SCUBE1: variants seen among roughly 807,000 people sequenced by gnomAD.
SCUBE1 encodes signal peptide, CUB domain and EGF like domain containing 1.
Under a neutral mutation model 124.4 loss-of-function variants are expected in SCUBE1, and 59 were observed. That is an observed-to-expected ratio of 0.47 (90% CI 0.38 to 0.59). SCUBE1 has a LOEUF of 0.59. SCUBE1 is among the 20% of genes least tolerant of loss of function. SCUBE1 has a pLI of 0.00. For synonymous variants in SCUBE1, 545 were observed against 550.9 expected (o/e 0.99, Z 0.15); for missense variants, 1,150 against 1,371.2 (o/e 0.84, Z 2.55).
intron 4 of SCUBE1, among the ~76,000 whole-genome samples, chr22:43,284,339 T>C (rs1925045795): frequency 6.6e-6 from 1 of 152,242 alleles, no homozygotes; most frequent in Admixed American, 6.5e-5. Context: ...CGTGCCACAC[T>C]GCAGAAAATT....
At chr22:43,226,572 G>A (rs1922315088) in intron 10 of SCUBE1, among the ~76,000 whole-genome samples, 1 of 151,206 alleles carries the variant, frequency 6.6e-6, no homozygotes, top group South Asian at 2.1e-4. Context: ...GCCATTCCAA[G>A]CGCTGTGGCT....
rs991543824 is a variant in SCUBE1, at chr22:43,210,438, C to T, written c.2384-198G>A. ...GCCCCCAGAGCAGGAGGGCAGGTCC[C>T]CTGTTCAGGCCTGTGGTTCCCTGAG... On this transcript the variant is annotated intron_variant, in intron 18 of 21. Transcript: ENST00000360835. This position sits in a 1 kb window ranked among gnomAD's most constrained non-coding sequence, Gnocchi z 4.5. 4.6e-5 allele frequency among the ~76,000 whole-genome samples: 7 copies of T among 152,064 alleles called. No individual in the cohort carries two copies. The highest frequency in any genetic ancestry group is 7.4e-5 in the Non-Finnish European group (5 of 67,994).
At chr22:43,273,210 G>T (rs1924359371) in intron 4 of SCUBE1, among the ~76,000 whole-genome samples, 1 of 152,234 alleles carries the variant, frequency 6.6e-6, no homozygotes, top group Non-Finnish European at 1.5e-5. Context: ...TACACAGATG[G>T]AGACAGACAG....
chr22:43,272,563 G>A lies in SCUBE1; in HGVS notation c.485-9718C>T, dbSNP rs79825037. On this transcript the variant is annotated intron_variant, in intron 4 of 21. Transcript: ENST00000360835. ...AGTGCCTCCTTGGTTTCCAGCCCCA[G>A]GATTCCAGGCAGGCGCAGGCCTTTC... The A allele has an allele frequency of 0.026, 4,015 of 152,308 alleles. 302 individuals are homozygous for A. In the East Asian group the frequency reaches 0.31, roughly 12 times the overall value. 9.4% of individuals were successfully genotyped at this position (152,308 alleles called of 1,614,324 possible). A position where few individuals can be genotyped will look rare whatever the true frequency, so the allele number is the denominator to read the frequency against.
chr22:43,266,157 T>C (rs1315101409), intron 4 of SCUBE1, among the ~76,000 whole-genome samples: 1 of 152,078 alleles, frequency 6.6e-6, no homozygotes, highest in Admixed American at 6.5e-5. Context: ...TTAAAAGCTA[T>C]ATTTTCCAGA....
Position 43,207,270 on chromosome 22 carries a change from T to C in SCUBE1, c.2814+264A>G, listed in dbSNP as rs371531861. ...AGTGAGGCTGTGAGCTGGTGAGGAA[T>C]GTGCCTGAGGCCACATCACCAGGTC... On this transcript the variant is annotated intron_variant, in intron 21 of 21. Transcript: ENST00000360835. Among the ~76,000 whole-genome samples the C allele has an allele frequency of 1.5e-3, 231 of 152,240 alleles. 1 individual carries two copies. The highest frequency in any genetic ancestry group is 5.3e-3 in the African/African-American group (219 of 41,540).
intron 7 of SCUBE1, among the ~76,000 whole-genome samples, chr22:43,236,655 A>G (rs1601818644): frequency 6.6e-6 from 1 of 152,168 alleles, no homozygotes; most frequent in Non-Finnish European, 1.5e-5. Flanking sequence ...CAACAGTCAC[A>G]GTGCTGAAAA....
In SCUBE1 at chr22:43,211,095, C is replaced by T. The variant is rs1392701536; in HGVS notation, c.2222-12G>A. 1.2e-6 allele frequency: 2 copies of T among 1,602,882 alleles called. No individual in the cohort carries two copies. On this transcript the variant is annotated splice_polypyrimidine_tract_variant and intron_variant, in intron 17 of 21. Coordinates refer to ENST00000360835, the MANE Select transcript of SCUBE1 (RefSeq NM_173050.5). This position sits in a 1 kb window ranked among gnomAD's most constrained non-coding sequence, Gnocchi z 4.5. ...GGGGGAGCAGTGCACTGCCGGGGGA[C>T]ACAAGGCAGTGTGGTGGGTGTGGAG...
At chr22:43,241,364 C>T (rs1333440718) in intron 6 of SCUBE1, among the ~76,000 whole-genome samples, 2 of 152,274 alleles carry the variant, frequency 1.3e-5, no homozygotes, top group East Asian at 3.9e-4. Context: ...CTCGTGGCTC[C>T]TGTGCCCTCC....
In SCUBE1 at chr22:43,202,929, A is replaced by T. The variant is rs1601788090; in HGVS notation, c.*1068T>A. The T allele has an allele frequency of 1.3e-5, 2 of 152,330 alleles. 1 individual carries two copies. The highest frequency in any genetic ancestry group is 4.1e-4 in the South Asian group (2 of 4,836). 9.4% of individuals were successfully genotyped at this position (152,330 alleles called of 1,614,324 possible). On this transcript the variant is annotated 3_prime_UTR_variant, in exon 22 of 22. Coordinates refer to ENST00000360835, the MANE Select transcript of SCUBE1 (RefSeq NM_173050.5). ...CCTTGTTTCCTGCTGACACCTGGGC[A>T]TAGTACGGACCCCAAGGTCACTGCC...
chr22:43,260,309 C>A (rs373572274), intron 5 of SCUBE1, among the ~76,000 whole-genome samples: 10 of 152,352 alleles, frequency 6.6e-5, no homozygotes, highest in South Asian at 4.1e-4. Context: ...AAAGGTCGAG[C>A]CTTCGAATAC....
At chr22:43,278,696 A>G (rs1021844517) in intron 4 of SCUBE1, among the ~76,000 whole-genome samples, 1 of 152,184 alleles carries the variant, frequency 6.6e-6, no homozygotes, top group African/African-American at 2.4e-5. Context: ...GGCAAAAAGA[A>G]CTGACATTGG....
chr22:43,221,114 G>T, intron 13 of SCUBE1, 59 bp downstream of exon 13: 1 of 1,380,458 alleles, frequency 7.2e-7, no homozygotes, highest in Non-Finnish European at 1.0e-6. Flanking sequence ...CAGCTCCCAG[G>T]CATGAGGACT....
At chr22:43,209,010 G>A (rs981827777) in intron 19 of SCUBE1, among the ~76,000 whole-genome samples, 6 of 152,034 alleles carry the variant, frequency 3.9e-5, no homozygotes, top group Non-Finnish European at 8.8e-5. Context: ...GATGCTGGGG[G>A]CAGGGGAACG....
intron 19 of SCUBE1, among the ~76,000 whole-genome samples, chr22:43,208,934 G>C (rs1011158862): frequency 2.6e-5 from 4 of 152,082 alleles, no homozygotes; most frequent in Non-Finnish European, 4.4e-5. Flanking sequence ...TTCCCGAGGA[G>C]CCCTTCATGG....
At chr22:43,217,555 G>A (rs1342477050) in intron 15 of SCUBE1, among the ~76,000 whole-genome samples, 7 of 152,146 alleles carry the variant, frequency 4.6e-5, no homozygotes, top group South Asian at 2.1e-4. Context: ...ATGAGCCTGC[G>A]TCCTTGCTCT....
chr22:43,210,619 C>G lies in SCUBE1; in HGVS notation c.2383+303G>C, dbSNP rs969202308. Among the ~76,000 whole-genome samples, 1 of 152,214 alleles carries G rather than the reference C, an allele frequency of 6.6e-6. No homozygotes were observed. Among genetic ancestry groups the G allele is most frequent in the African/African-American group, 2.4e-5 (1 of 41,472 alleles). On this transcript the variant is annotated intron_variant, in intron 18 of 21. Transcript: ENST00000360835. This position sits in a 1 kb window ranked among gnomAD's most constrained non-coding sequence, Gnocchi z 4.5. Reference sequence around the variant, plus strand: ...CCCTGTAGGCTGTCAGCCCCCCCAGCAGACCCAGAAACTAGAGCAGGGCCT... The same window carrying G: ...CCCTGTAGGCTGTCAGCCCCCCCAGGAGACCCAGAAACTAGAGCAGGGCCT...
intron 4 of SCUBE1, among the ~76,000 whole-genome samples, chr22:43,275,248 A>G (rs926187420): frequency 2.0e-5 from 3 of 152,234 alleles, no homozygotes; most frequent in African/African-American, 4.8e-5. Context: ...CAAGCTGACC[A>G]GCTGTGGAAG....
chr22:43,232,105 A>C (rs942455563), intron 7 of SCUBE1: 44 of 550,346 alleles, frequency 8.0e-5, no homozygotes, highest in Admixed American at 2.7e-4. Flanking sequence ...CCCAAGCTTC[A>C]CCACTTCCCC....
Sources: gnomAD v4.1 joint callset for allele counts (sites outside exome capture counted in the v4.1 genomes callset) on GRCh38, gnomAD v4.1.1 for gene constraint, Gnocchi (gnomAD v3.1) non-coding constraint, MANE v1.5 for transcripts, NCBI Gene and HGNC (gene_info 2026-07-23, HGNC 2026-07-21) for gene names.